STX2: variants seen among roughly 807,000 people sequenced by gnomAD.
The protein encoded by STX2 is syntaxin 2.
STX2 carries 27 observed loss-of-function variants against 40.6 expected under a neutral mutation model. The observed-to-expected ratio is 0.66, with a 90% CI of 0.49 to 0.92. The LOEUF (loss-of-function observed/expected upper bound fraction) is 0.92, where lower values mean the gene tolerates loss of function less well. Ranked by LOEUF, STX2 falls within the 40% of genes least tolerant of loss-of-function variation. STX2 has a pLI of 0.00. For missense variants in STX2, 328 were observed against 366.1 expected, an observed-to-expected ratio of 0.90 and a Z score of 0.85; for synonymous variants, 123 against 119.1, an observed-to-expected ratio of 1.03 and a Z score of -0.22.
chr12:130,824,146 T>C (rs1294651431), intron 2 of STX2, among the ~76,000 whole-genome samples: 2 of 115,350 alleles, frequency 1.7e-5, no homozygotes, highest in Admixed American at 9.2e-5. Flanking sequence ...TCCCAGCATT[T>C]TGGGAGGCCA....
At chr12:130,807,586 G>A (rs1048304110) in intron 5 of STX2, among the ~76,000 whole-genome samples, 3 of 152,054 alleles carry the variant, frequency 2.0e-5, no homozygotes, top group Admixed American at 6.5e-5. Flanking sequence ...CCCAGAGCCC[G>A]CGTGCTTCAT....
chr12:130,809,833 C>T (rs551885781), intron 4 of STX2, among the ~76,000 whole-genome samples: 1 of 152,212 alleles, frequency 6.6e-6, no homozygotes, highest in Non-Finnish European at 1.5e-5. Context: ...AATAAACACA[C>T]AGAGGAAAAA....
intron 1 of STX2, 140 bp downstream of exon 1, chr12:130,838,930 C>A: frequency 1.1e-6 from 1 of 929,630 alleles, no homozygotes; most frequent in South Asian, 3.5e-5. Flanking sequence ...AGACCCTGCC[C>A]GCAGCCCCCG....
intron 1 of STX2, among the ~76,000 whole-genome samples, chr12:130,831,407 G>A (rs1396933031): frequency 1.3e-5 from 2 of 152,240 alleles, no homozygotes; most frequent in Admixed American, 1.3e-4. Context: ...GCTCATGCCT[G>A]TAATCCCAGC....
intron 6 of STX2, among the ~76,000 whole-genome samples, chr12:130,805,414 C>G (rs1317298966): frequency 6.6e-6 from 1 of 152,140 alleles, no homozygotes; most frequent in Non-Finnish European, 1.5e-5. Flanking sequence ...CAGGTGGAGC[C>G]CAGGGGAAGT....
At position 130,801,230 on chromosome 12, in the gene STX2, C is replaced by T. The variant is rs746193525; in HGVS notation, c.598G>A (p.Asp200Asn). 1 of 1,613,908 alleles carries T rather than the reference C, an allele frequency of 6.2e-7. No homozygotes were observed. Among genetic ancestry groups the T allele is most frequent in the African/African-American group, 1.3e-5 (1 of 75,050 alleles). The change falls in exon 8 of 11, where the codon GAC (aspartate) becomes AAC (asparagine). Residue 200 changes from aspartate to asparagine, a missense_variant. Asp to Asn is a conservative substitution (Grantham distance 23). Coordinates refer to ENST00000392373, the MANE Select transcript of STX2 (RefSeq NM_194356.4). ...ALNEIESRHK[D>N]IMKLETSIRE... ...ATGCTGGTCTCCAGCTTCATGATGT[C>T]CTTGTGACGTGACTCGATTTCATTG... is the stretch of plus-strand genomic sequence containing the variant.
intron 4 of STX2, among the ~76,000 whole-genome samples, chr12:130,809,943 C>T (rs1275116424): frequency 1.3e-5 from 2 of 152,116 alleles, no homozygotes; most frequent in African/African-American, 4.8e-5. Context: ...CCTAGGAGTT[C>T]GAGGCTGTAG....
chr12:130,827,429 G>A (rs1042170317), intron 1 of STX2, among the ~76,000 whole-genome samples, 162 bp from the exon 2 acceptor site: 19 of 152,122 alleles, frequency 1.2e-4, no homozygotes, highest in African/African-American at 4.1e-4. Context: ...ACTGAACTCC[G>A]CAACATTTTC....
chr12:130,818,185 A>AAAAAAAAAATATATATATATATATAT, intron 3 of STX2, among the ~76,000 whole-genome samples: 5 of 70,542 alleles, frequency 7.1e-5, no homozygotes, highest in Admixed American at 1.6e-4. Flanking sequence ...AAAAAAAAAA[A>AAAAAAAAAATATATATATATATATAT]ATATATATAT....
At position 130,801,253 on chromosome 12, in the gene STX2, T is replaced by C. The variant is rs143444949; in HGVS notation, c.575A>G (p.Asn192Ser). 180 of 1,613,780 alleles carry C rather than the reference T, an allele frequency of 1.1e-4. No individual in the cohort carries two copies. Among genetic ancestry groups the C allele is most frequent in the African/African-American group, 1.0e-3 (76 of 75,068 alleles). ...SDSQITRQAL[N>S]EIESRHKDIM... ...GTCCTTGTGACGTGACTCGATTTCATTGAGAGCTTGTCTAGTAATTTGTGA... is the reference window on the plus strand; with the variant it reads ...GTCCTTGTGACGTGACTCGATTTCACTGAGAGCTTGTCTAGTAATTTGTGA... Residue 192 changes from asparagine to serine, a missense_variant, in exon 8 of 11, where the codon AAT becomes AGT. Transcript: ENST00000392373.
At chr12:130,816,281 T>G (rs566987574) in intron 3 of STX2, among the ~76,000 whole-genome samples, 25 of 152,250 alleles carry the variant, frequency 1.6e-4, no homozygotes, top group Non-Finnish European at 3.1e-4. Flanking sequence ...GGCCTGCCAG[T>G]GGATGAGAGT....
intron 1 of STX2, among the ~76,000 whole-genome samples, chr12:130,838,482 A>T (rs1342434377): frequency 6.6e-6 from 1 of 152,180 alleles, no homozygotes; most frequent in Non-Finnish European, 1.5e-5. Context: ...GAGATCAGAC[A>T]CAAGCTGCTG....
At chr12:130,801,008 A>G (rs1951203592) in intron 8 of STX2, 145 bp downstream of exon 8, 1 of 802,522 alleles carries the variant, frequency 1.2e-6, no homozygotes, top group Non-Finnish European at 1.8e-6. Flanking sequence ...GCATTTCAGC[A>G]TCACATATAA....
intron 3 of STX2, among the ~76,000 whole-genome samples, chr12:130,813,773 C>T (rs1210077675): frequency 7.6e-6 from 1 of 132,082 alleles, no homozygotes; most frequent in Non-Finnish European, 1.7e-5. Flanking sequence ...ATTTGCCAGT[C>T]CAGTGGCTGA....
intron 3 of STX2, among the ~76,000 whole-genome samples, chr12:130,818,185 A>AAAAAAAAAAAAAATATAT: frequency 1.3e-4 from 9 of 70,540 alleles, no homozygotes; most frequent in African/African-American, 7.1e-4. Context: ...AAAAAAAAAA[A>AAAAAAAAAAAAAATATAT]ATATATATAT....
chr12:130,836,905 G>A (rs570869649), intron 1 of STX2, among the ~76,000 whole-genome samples: 5 of 152,318 alleles, frequency 3.3e-5, no homozygotes, highest in African/African-American at 9.6e-5. Context: ...TTCTAGCTCT[G>A]CCGTTCTAGA....
At chr12:130,794,637 T>A (rs890489711) in intron 10 of STX2, among the ~76,000 whole-genome samples, 10 of 152,178 alleles carry the variant, frequency 6.6e-5, no homozygotes. Context: ...GCTGGGACTA[T>A]AGGCACGTGT....
intron 3 of STX2, among the ~76,000 whole-genome samples, chr12:130,816,221 A>T (rs769844010): frequency 5.9e-5 from 9 of 152,124 alleles, no homozygotes; most frequent in Non-Finnish European, 1.2e-4. Context: ...GACTCGGGAG[A>T]CGGTCTTGAG....
chr12:130,806,227 G>T (rs546118317), intron 6 of STX2, among the ~76,000 whole-genome samples: 1 of 152,310 alleles, frequency 6.6e-6, no homozygotes, highest in East Asian at 1.9e-4. Context: ...GCCGGGATGG[G>T]CCTGAGGCTT....
Sources: allele counts gnomAD v4.1 joint callset (sites outside exome capture counted in the v4.1 genomes callset), GRCh38; gene constraint gnomAD v4.1.1; transcripts MANE v1.5; gene names NCBI Gene and HGNC (gene_info 2026-07-23, HGNC 2026-07-21).